TSC2: variants seen among roughly 807,000 people sequenced by gnomAD.
The protein encoded by TSC2 is TSC complex subunit 2.
In TSC2, 29 loss-of-function variants were observed where a neutral mutation model predicts 202.2. The ratio of observed to expected loss-of-function variants is 0.14; its 90% CI spans 0.11 to 0.20. The LOEUF (loss-of-function observed/expected upper bound fraction) is 0.20, where lower values mean the gene tolerates loss of function less well. TSC2 is among the 10% of genes least tolerant of loss of function. The probability of loss-of-function intolerance (pLI) is 1.00; values close to 1 mark genes in which losing one functional copy is unlikely to be tolerated. For missense variants in TSC2, 2,429 were observed against 2,420.0 expected (o/e 1.00, Z -0.08); for synonymous variants, 1,349 against 1,044.0 (o/e 1.29, Z -5.63).
chr16:2,073,344 C>G (rs1166568423), intron 21 of TSC2, among the ~76,000 whole-genome samples: 2 of 152,236 alleles, frequency 1.3e-5, no homozygotes, highest in Admixed American at 6.5e-5. Flanking sequence ...GAGAGTCTGG[C>G]TTCTGCCTCC....
chr16:2,056,159 G>T, intron 6 of TSC2, 37 bp from the exon 7 acceptor site: 1 of 1,612,930 alleles, frequency 6.2e-7, no homozygotes, highest in Non-Finnish European at 8.5e-7. Context: ...GGCCATCCAG[G>T]CAGTGCTGCC....
intron 32 of TSC2, 89 bp from the exon 33 acceptor site, chr16:2,083,606 G>A (rs2090399602): frequency 1.9e-6 from 3 of 1,542,250 alleles, no homozygotes; most frequent in South Asian, 1.2e-5. Context: ...CTGTCCCTCT[G>A]GTCAGGAGAA....
At chr16:2,086,904 C>A (rs1213233752) in intron 38 of TSC2, 33 bp downstream of exon 38, 1 of 1,556,886 alleles carries the variant, frequency 6.4e-7, no homozygotes. Context: ...GGCTGGGCCC[C>A]AGGCAGGTGC....
At position 2,054,325 on chromosome 16, in the gene TSC2, C is replaced by G. The variant is rs1397677711; in HGVS notation, c.366C>G (p.Leu122=). The G allele has an allele frequency of 6.2e-7, 1 of 1,614,176 alleles. No individual in the cohort carries two copies. Reference sequence around the variant, plus strand: ...AGCGTTTGGGGGTCCTCAGAGCCCTCTTCTTTAAGGTCATCAAGGATTACC... The same window carrying G: ...AGCGTTTGGGGGTCCTCAGAGCCCTGTTCTTTAAGGTCATCAAGGATTACC... ...QGERLGVLRA[L]FFKVIKDYPS... The change falls in exon 5 of 42, where the codon CTC becomes CTG. Residue 122 remains leucine (L), a synonymous_variant. Coordinates refer to ENST00000219476, the MANE Select transcript of TSC2 (RefSeq NM_000548.5).
At chr16:2,061,074 C>T (rs191521576) in intron 11 of TSC2, 47 of 517,166 alleles carry the variant, frequency 9.1e-5, no homozygotes, top group African/African-American at 5.7e-4. Flanking sequence ...GTCCACAGTC[C>T]GCAGAGTGAC....
Position 2,047,991 on chromosome 16 carries a change from G to GAAGC in TSC2, c.-104_-103insAAGC. On this transcript the variant is annotated 5_prime_UTR_variant, in exon 1 of 42. Transcript: ENST00000219476. ...TACCGGAAGTGCGGGTCGCGCTTCC[G>GAAGC]GCGGCGTCCCGGGGCCAGGGGGGTG... The GAAGC allele has an allele frequency of 6.6e-7, 1 of 1,511,558 alleles. No homozygotes were observed. Among genetic ancestry groups the GAAGC allele is most frequent in the Non-Finnish European group, 8.8e-7 (1 of 1,131,998 alleles). The allele number at this position is 1,511,558 out of a possible 1,614,324, so 93.6% of individuals were successfully genotyped here. A position where few individuals can be genotyped will look rare whatever the true frequency, so the allele number is the denominator to read the frequency against.
rs534781847 is a variant in TSC2, at chr16:2,070,675, A to G, written c.1839+97A>G. On this transcript the variant is annotated intron_variant, in intron 17 of 41. Coordinates refer to ENST00000219476, the MANE Select transcript of TSC2 (RefSeq NM_000548.5). ...TCCTGGAAGCTGCAGAGACGGCCCC[A>G]GGATGGGGCCTCAGCTGACCGTCCC... 4 of 1,579,530 alleles carry G rather than the reference A, an allele frequency of 2.5e-6. No individual in the cohort carries two copies. The Admixed American group carries it at 5.3e-5, about 21-fold the overall frequency.
intron 19 of TSC2, 50 bp from the exon 20 acceptor site, chr16:2,072,191 C>G (rs2151313891): frequency 6.2e-7 from 1 of 1,612,300 alleles, no homozygotes; most frequent in Non-Finnish European, 8.5e-7. Flanking sequence ...GCTTCCGCCT[C>G]TGTCTCTAGG....
Position 2,083,825 on chromosome 16 carries a change from G to A in TSC2, c.4005+9G>A, listed in dbSNP as rs1363798920. On this transcript the variant is annotated intron_variant, in intron 33 of 41. Transcript: ENST00000219476. The stretch of plus-strand genomic sequence containing the variant: ...CGGATGCCTACAGCAGGGTGAGTGT[G>A]GCTCAGAGCCTGGACCCTGCTGACC... 1 of 1,609,686 alleles carries A rather than the reference G, an allele frequency of 6.2e-7. No homozygotes were observed. Among genetic ancestry groups the A allele is most frequent in the East Asian group, 2.2e-5 (1 of 44,794 alleles).
chr16:2,076,702 A>T, intron 25 of TSC2, 117 bp downstream of exon 25: 2 of 1,067,376 alleles, frequency 1.9e-6, no homozygotes, highest in Non-Finnish European at 2.8e-6. Flanking sequence ...TGTGCCCTGG[A>T]GTATGTGAGG....
rs779362252 is a variant in TSC2, at chr16:2,076,201, C to G, written c.2742+31C>G. The G allele has an allele frequency of 2.0e-5, 32 of 1,612,822 alleles. 1 individual carries two copies. The South Asian group carries it at 3.4e-4, about 17-fold the overall frequency. On this transcript the variant is annotated intron_variant, in intron 24 of 41. Coordinates refer to ENST00000219476, the MANE Select transcript of TSC2 (RefSeq NM_000548.5). ...CTCAGGGCCGGTGAAGGCTGTGTCT[C>G]TCGGTAGGCCAGGGCTTGCTTTGCC...
At chr16:2,067,717 C>T (rs1482793887) in intron 16 of TSC2, among the ~76,000 whole-genome samples, 1 of 152,190 alleles carries the variant, frequency 6.6e-6, no homozygotes, top group Non-Finnish European at 1.5e-5. Flanking sequence ...GTACAGTAAG[C>T]CCAGATCACG....
At position 2,086,844 on chromosome 16, in the gene TSC2, T is replaced by A. The variant is rs2151588706; in HGVS notation, c.4962T>A (p.Gly1654=). 6.2e-7 allele frequency: 1 copy of A among 1,602,848 alleles called. No individual in the cohort carries two copies. The highest frequency in any genetic ancestry group is 8.5e-7 in the Non-Finnish European group (1 of 1,175,512). ...TGTCCATTGTCTACAATGACTCCGG[T>A]GAGGACTTCAAGCTTGGCACCATCA... The part of the protein sequence containing the change: ...DFVSIVYNDS[G]EDFKLGTIKG... The change falls in exon 38 of 42, where the codon GGT becomes GGA. Residue 1654 remains glycine, a synonymous_variant. Transcript: ENST00000219476.
At position 2,079,908 on chromosome 16, in the gene TSC2, A is replaced by G. The variant is rs992041469; in HGVS notation, c.3397+239A>G. 2.6e-5 allele frequency among the ~76,000 whole-genome samples: 4 copies of G among 152,082 alleles called. No homozygotes were observed. The highest frequency in any genetic ancestry group is 6.5e-5 in the Admixed American group (1 of 15,280). Reference sequence around the variant, plus strand: ...GTGCTGGTGTTTCCTGCGGGTTTTCAGCTCGGCTCAGTCCTGGAGCCCTTC... The same window carrying G: ...GTGCTGGTGTTTCCTGCGGGTTTTCGGCTCGGCTCAGTCCTGGAGCCCTTC... On this transcript the variant is annotated intron_variant, in intron 29 of 41. Transcript: ENST00000219476. The surrounding 1 kb of genome is among the most constrained non-coding windows in gnomAD (Gnocchi z 4.6).
intron 4 of TSC2, chr16:2,053,788 G>A (rs1049655530): frequency 3.4e-5 from 18 of 533,074 alleles, no homozygotes; most frequent in South Asian, 1.7e-4. Context: ...GCACCCTTTC[G>A]GGGCCACTCC....
At chr16:2,074,527 C>A in intron 22 of TSC2, 138 bp downstream of exon 22, 1 of 1,081,256 alleles carries the variant, frequency 9.2e-7, no homozygotes, top group Non-Finnish European at 1.4e-6. Flanking sequence ...GCCTGGGCGT[C>A]TCTGCCCGGC....
rs374410454 is a variant in TSC2, at chr16:2,056,218, C to T, written c.622C>T (p.Arg208Trp). The change falls in exon 7 of 42, where the codon CGG becomes TGG. Residue 208 changes from arginine (R) to tryptophan (W), a missense_variant. By Grantham distance (101) the Arg-to-Trp change is moderately radical (BLOSUM62 -3). Coordinates refer to ENST00000219476, the MANE Select transcript of TSC2 (RefSeq NM_000548.5). ...MVQMICLLCV[R>W]TASSVDIEVS... The stretch of plus-strand genomic sequence containing the variant: ...CAGGATGATCTGTCTGCTGTGCGTC[C>T]GGACCGCGTCCTCTGTGGACATAGA... 32 of 1,614,006 alleles carry T rather than the reference C, an allele frequency of 2.0e-5. No individual in the cohort carries two copies. The highest frequency in any genetic ancestry group is 5.0e-5 in the Admixed American group (3 of 60,022).
In TSC2 at chr16:2,048,021, T is replaced by C. The variant is rs929791385; in HGVS notation, c.-74T>C. Reference sequence around the variant, plus strand: ...CGTCCCGGGGCCAGGGGGGTGCGCCTTTCTCCGCGTCGGGGCGGCCCGGAG... The same window carrying C: ...CGTCCCGGGGCCAGGGGGGTGCGCCCTTCTCCGCGTCGGGGCGGCCCGGAG... On this transcript the variant is annotated 5_prime_UTR_variant, in exon 1 of 42. Transcript: ENST00000219476. 2 of 1,451,788 alleles carry C rather than the reference T, an allele frequency of 1.4e-6. No individual in the cohort carries two copies. The highest frequency in any genetic ancestry group is 1.5e-5 in the African/African-American group (1 of 67,898). 89.9% of individuals were successfully genotyped at this position (1,451,788 alleles called of 1,614,324 possible).
chr16:2,080,313 C>T lies in TSC2; in HGVS notation c.3546C>T (p.Asn1182=). Residue 1182 remains asparagine (N), a synonymous_variant, in exon 30 of 42, where the codon AAC becomes AAT. Coordinates refer to ENST00000219476, the MANE Select transcript of TSC2 (RefSeq NM_000548.5). ...GTRVPVQEKT[N]LAAYVPLLTQ... is the part of the protein sequence containing the mutation. Reference sequence around the variant, plus strand: ...GGGTTCCTGTGCAGGAGAAGACGAACCTGGCGGCCTATGTGCCCCTGCTGA... The same window carrying T: ...GGGTTCCTGTGCAGGAGAAGACGAATCTGGCGGCCTATGTGCCCCTGCTGA... The T allele has an allele frequency of 1.2e-6, 2 of 1,612,880 alleles. No individual in the cohort carries two copies. Among genetic ancestry groups the T allele is most frequent in the Non-Finnish European group, 8.5e-7 (1 of 1,180,026 alleles).
Sources: gnomAD v4.1 joint callset for allele counts (sites outside exome capture counted in the v4.1 genomes callset) on GRCh38, gnomAD v4.1.1 for gene constraint, Gnocchi (gnomAD v3.1) non-coding constraint, MANE v1.5 for transcripts, NCBI Gene and HGNC (gene_info 2026-07-23, HGNC 2026-07-21) for gene names.